The following ENKUR variants were observed in gnomAD, a reference collection of about 807,000 sequenced individuals.
ENKUR encodes enkurin, TRPC channel interacting protein.
In ENKUR, 19 loss-of-function variants were observed where a neutral mutation model predicts 27.6. The observed-to-expected ratio is 0.69, with a 90% CI of 0.48 to 1.01. ENKUR has a LOEUF of 1.01. Among genes scored for constraint, ENKUR ranks in the 50% least tolerant of loss-of-function variants. The pLI is 0.00. For synonymous variants in ENKUR, 117 were observed against 96.9 expected, an observed-to-expected ratio of 1.21 and a Z score of -1.22; for missense variants, 312 against 310.5, an observed-to-expected ratio of 1.00 and a Z score of -0.04.
At chr10:25,035,170 AG>A (rs1218525655) in intron 2 of ENKUR, among the ~76,000 whole-genome samples, 8 of 152,234 alleles carry the variant, frequency 5.3e-5, no homozygotes, top group African/African-American at 1.9e-4. Context: ...ATGGTCTAGA[AG>A]TAACTTTTTG....
intron 1 of ENKUR, among the ~76,000 whole-genome samples, chr10:25,014,712 A>G (rs1384953580): frequency 6.6e-6 from 1 of 152,242 alleles, no homozygotes; most frequent in Non-Finnish European, 1.5e-5. Context: ...GAAAATTTGA[A>G]AATAAATTCT....
intron 2 of ENKUR, among the ~76,000 whole-genome samples, chr10:25,041,872 G>A (rs1015131776): frequency 6.6e-6 from 1 of 152,024 alleles, no homozygotes; most frequent in Non-Finnish European, 1.5e-5. Flanking sequence ...AAAAGACTAT[G>A]GAACTATTTC....
intron 3 of ENKUR, 38 bp from the exon 4 acceptor site, chr10:24,990,647 G>A (rs1182863940): frequency 2.5e-6 from 4 of 1,571,162 alleles, no homozygotes; most frequent in Non-Finnish European, 3.4e-6. Flanking sequence ...TCAATATTTT[G>A]TATGCAATCT....
At chr10:24,994,395 G>A (rs531305007) in intron 3 of ENKUR, among the ~76,000 whole-genome samples, 3 of 148,530 alleles carry the variant, frequency 2.0e-5, no homozygotes, top group Admixed American at 1.3e-4. Context: ...GTGCAGTGAC[G>A]CGACCTTGGC....
chr10:25,019,211 AC>A (rs1850671089), upstream of ENKUR, among the ~76,000 whole-genome samples: 1 of 152,220 alleles, frequency 6.6e-6, no homozygotes, highest in East Asian at 1.9e-4. Flanking sequence ...AGTGGCTCAT[AC>A]CTGCAATCCA....
At chr10:24,987,537 C>T (rs925325750) in intron 4 of ENKUR, among the ~76,000 whole-genome samples, 3 of 152,060 alleles carry the variant, frequency 2.0e-5, no homozygotes, top group African/African-American at 7.2e-5. Context: ...AGCAGTGAGC[C>T]GTGATTGTGC....
At chr10:24,999,344 T>A (rs1850138011) in intron 2 of ENKUR, 57 bp downstream of exon 2, 4 of 1,500,710 alleles carry the variant, frequency 2.7e-6, no homozygotes, top group Middle Eastern at 4.1e-4. Flanking sequence ...AATAAAATAA[T>A]AGTTAAATCA....
upstream of ENKUR, among the ~76,000 whole-genome samples, chr10:25,020,351 CAT>C (rs1850695357): frequency 6.6e-6 from 1 of 151,682 alleles, no homozygotes. Context: ...GGGGAACTAA[CAT>C]ATAGGAAAAG....
At chr10:25,040,798 T>C (rs939684751) in intron 2 of ENKUR, among the ~76,000 whole-genome samples, 2 of 152,252 alleles carry the variant, frequency 1.3e-5, no homozygotes, top group Admixed American at 6.5e-5. Flanking sequence ...CTAAAAGTAG[T>C]TTGACCATTT....
At chr10:24,993,642 A>T (rs1849975909) in intron 3 of ENKUR, among the ~76,000 whole-genome samples, 1 of 152,206 alleles carries the variant, frequency 6.6e-6, no homozygotes, top group South Asian at 2.1e-4. Context: ...TTAAAACTTA[A>T]CTCTGATAAG....
intron 2 of ENKUR, among the ~76,000 whole-genome samples, chr10:25,026,881 C>T (rs1430037173): frequency 1.3e-5 from 2 of 149,372 alleles, no homozygotes; most frequent in Admixed American, 6.6e-5. Flanking sequence ...TCTGGCTTAG[C>T]TTCTAAAAAG....
chr10:25,024,451 A>C (rs1307589184), intron 2 of ENKUR: 1 of 1,614,126 alleles, frequency 6.2e-7, no homozygotes, highest in Middle Eastern at 1.6e-4. Context: ...TTTTCCTGAG[A>C]ATGGAGTAAG....
rs187137921 is a variant in ENKUR at position 25,032,745 on chromosome 10, A to C, written c.37+28367T>G. 9.9e-5 allele frequency among the ~76,000 whole-genome samples: 15 copies of C among 152,274 alleles called. No individual in the cohort carries two copies. In the East Asian group the frequency reaches 2.7e-3, roughly 27 times the overall value. ...GTAATTTATGTGTTTTCTGGCCTCC[A>C]AACTGCTACTGCTGGTCTCTTCCCC... On this transcript the variant is annotated intron_variant, in intron 2 of 5. Transcript: ENST00000615958.
At chr10:25,056,415 G>A (rs964099357) in intron 2 of ENKUR, among the ~76,000 whole-genome samples, 1 of 152,182 alleles carries the variant, frequency 6.6e-6, no homozygotes, top group African/African-American at 2.4e-5. Flanking sequence ...TATGAGAATG[G>A]GGGAAGACGC....
chr10:25,056,654 G>A (rs1000629391), intron 2 of ENKUR, among the ~76,000 whole-genome samples: 1 of 152,182 alleles, frequency 6.6e-6, no homozygotes, highest in African/African-American at 2.4e-5. Flanking sequence ...TTTTGGAAGG[G>A]CTAGACTTCT....
upstream of ENKUR, among the ~76,000 whole-genome samples, chr10:25,017,803 A>G (rs558881065): frequency 1.3e-5 from 2 of 152,054 alleles, no homozygotes; most frequent in East Asian, 3.9e-4. Context: ...GCCCTTGAGT[A>G]TTTTATGTTT....
intron 2 of ENKUR, among the ~76,000 whole-genome samples, chr10:25,031,547 G>A (rs1388945140): frequency 6.6e-6 from 1 of 152,040 alleles, no homozygotes; most frequent in Admixed American, 6.6e-5. Flanking sequence ...TAAGTTTTGG[G>A]GTAGTTTGTT....
chr10:25,024,918 T>TA, intron 2 of ENKUR: 1 of 1,613,940 alleles, frequency 6.2e-7, no homozygotes, highest in East Asian at 2.2e-5. Context: ...CGTCAATAGA[T>TA]ATTCTCAAAT....
chr10:24,988,662 A>ATGTG (rs1564334649), intron 4 of ENKUR, among the ~76,000 whole-genome samples: 1 of 106,692 alleles, frequency 9.4e-6, no homozygotes, highest in African/African-American at 3.3e-5. Flanking sequence ...GACACAGCAT[A>ATGTG]TGTATATATA....
Sources: allele counts gnomAD v4.1 joint callset (sites outside exome capture counted in the v4.1 genomes callset), GRCh38; gene constraint gnomAD v4.1.1; transcripts MANE v1.5; gene names NCBI Gene and HGNC (gene_info 2026-07-23, HGNC 2026-07-21).